The following RBMS3 variants were observed in gnomAD, a reference collection of about 807,000 sequenced individuals.
RBMS3 encodes the protein RNA binding motif single stranded interacting protein 3, also known as RNA-binding motif, single-stranded-interacting protein 3.
A neutral mutation model predicts 66.8 loss-of-function variants in RBMS3; 27 were observed. The ratio of observed to expected loss-of-function variants is 0.40; its 90% CI spans 0.30 to 0.56. RBMS3 has a LOEUF of 0.56. Among genes scored for constraint, RBMS3 ranks in the 20% least tolerant of loss-of-function variants. The probability of loss-of-function intolerance (pLI) is 0.40; values close to 1 mark genes in which losing one functional copy is unlikely to be tolerated. For missense variants in RBMS3, 513 were observed against 549.5 expected, an observed-to-expected ratio of 0.93 and a Z score of 0.66; for synonymous variants, 188 against 183.0, an observed-to-expected ratio of 1.03 and a Z score of -0.22.
chr3:29,631,277 G>C (rs1035513439), intron 4 of RBMS3, among the ~76,000 whole-genome samples: 2 of 151,788 alleles, frequency 1.3e-5, no homozygotes, highest in Admixed American at 6.6e-5. Flanking sequence ...ATGATAAATA[G>C]ATGAATAATA....
At chr3:29,729,388 T>C (rs2054028250) in intron 4 of RBMS3, among the ~76,000 whole-genome samples, 1 of 152,178 alleles carries the variant, frequency 6.6e-6, no homozygotes, top group Non-Finnish European at 1.5e-5. Context: ...TGTCTATCAT[T>C]GATGGACATT....
At chr3:29,704,285 T>A (rs906816832) in intron 4 of RBMS3, among the ~76,000 whole-genome samples, 2 of 152,098 alleles carry the variant, frequency 1.3e-5, no homozygotes, top group Admixed American at 6.5e-5. Context: ...GACCCCTGAT[T>A]TAATCTTTGC....
chr3:29,367,648 T>C (rs540992121), intron 1 of RBMS3, among the ~76,000 whole-genome samples: 1 of 152,290 alleles, frequency 6.6e-6, no homozygotes, highest in South Asian at 2.1e-4. Context: ...AGGAATATAA[T>C]TGCTTTTTGT....
intron 1 of RBMS3, among the ~76,000 whole-genome samples, chr3:29,389,913 G>A (rs372999710): frequency 4.6e-5 from 7 of 152,228 alleles, no homozygotes; most frequent in South Asian, 4.1e-4. Flanking sequence ...GGAATGGGGC[G>A]GGGGCTCCTG....
chr3:29,588,339 C>T (rs1245169123), intron 4 of RBMS3, among the ~76,000 whole-genome samples: 1 of 152,058 alleles, frequency 6.6e-6, no homozygotes, highest in Non-Finnish European at 1.5e-5. Flanking sequence ...TATTCATGCT[C>T]TGCTCGTGTA....
intron 14 of RBMS3, among the ~76,000 whole-genome samples, chr3:29,995,911 ATAACAATAT>A (rs1400512623): frequency 6.6e-6 from 1 of 152,046 alleles, no homozygotes; most frequent in Non-Finnish European, 1.5e-5. Context: ...AAATTCACAC[ATAACAATAT>A]TAACTTTAAA....
At position 29,990,934 on chromosome 3, in the gene RBMS3, C is replaced by A. The variant is rs904197543; in HGVS notation, c.1180-148C>A. ...CTTAGCCCTTATCTAAATGTGCTCT[C>A]TGGGTTTCCTCTGAGTACTTATTGT... On this transcript the variant is annotated intron_variant, in intron 13 of 14. Transcript: ENST00000383767. 14 of 677,002 alleles carry A rather than the reference C, an allele frequency of 2.1e-5. No individual in the cohort carries two copies. The African/African-American group carries it at 2.4e-4, about 11-fold the overall frequency. 41.9% of individuals were successfully genotyped at this position (677,002 alleles called of 1,614,324 possible).
chr3:29,366,742 C>T (rs569108161), intron 1 of RBMS3, among the ~76,000 whole-genome samples: 19 of 152,034 alleles, frequency 1.2e-4, no homozygotes, highest in Non-Finnish European at 2.2e-4. Flanking sequence ...CTGTACAGCC[C>T]GAATAGCAAA....
intron 1 of RBMS3, among the ~76,000 whole-genome samples, chr3:29,400,593 A>G (rs2039763068): frequency 6.6e-6 from 1 of 151,928 alleles, no homozygotes; most frequent in Non-Finnish European, 1.5e-5. Flanking sequence ...TTCTACCACA[A>G]TAAAAAACAA....
intron 3 of RBMS3, among the ~76,000 whole-genome samples, chr3:29,535,515 C>A (rs528887066): frequency 1.3e-5 from 2 of 152,118 alleles, no homozygotes; most frequent in East Asian, 3.9e-4. Flanking sequence ...TTAACTTTTT[C>A]TACCCTCTCA....
At chr3:29,426,832 A>G (rs941666756) in intron 1 of RBMS3, among the ~76,000 whole-genome samples, 1 of 151,932 alleles carries the variant, frequency 6.6e-6, no homozygotes, top group Non-Finnish European at 1.5e-5. Flanking sequence ...TGACAATGGT[A>G]ATGATGAGAA....
rs79579338 is a variant in RBMS3 at position 29,691,378 on chromosome 3, G to A, written c.400-48342G>A. On this transcript the variant is annotated intron_variant, in intron 4 of 14. Transcript: ENST00000383767. Reference sequence around the variant, plus strand: ...ACCTGAGGAATAACTTTCCTTCATGGTAAGATTGACCCAAAATATGGCTTG... The same window carrying A: ...ACCTGAGGAATAACTTTCCTTCATGATAAGATTGACCCAAAATATGGCTTG... Among the ~76,000 whole-genome samples the A allele has an allele frequency of 3.2e-3, 480 of 152,262 alleles. 1 individual carries two copies. The highest frequency in any genetic ancestry group is 6.8e-3 in the Middle Eastern group (2 of 294).
intron 10 of RBMS3, among the ~76,000 whole-genome samples, chr3:29,932,369 TG>T (rs1182208453): frequency 1.3e-5 from 2 of 152,202 alleles, no homozygotes; most frequent in Admixed American, 1.3e-4. Flanking sequence ...CTGTAAGAAC[TG>T]TAACACTGGC....
intron 2 of RBMS3, among the ~76,000 whole-genome samples, chr3:29,480,382 C>G (rs2043089085): frequency 6.6e-6 from 1 of 152,156 alleles, no homozygotes; most frequent in African/African-American, 2.4e-5. Flanking sequence ...CTCAACTGGA[C>G]TGAGGATTCA....
intron 4 of RBMS3, among the ~76,000 whole-genome samples, chr3:29,734,087 C>A (rs1014088890): frequency 1.7e-4 from 26 of 152,012 alleles, no homozygotes; most frequent in African/African-American, 6.3e-4. Flanking sequence ...TTCTGTCATG[C>A]ATGACAACAT....
intron 6 of RBMS3, among the ~76,000 whole-genome samples, chr3:29,783,825 A>G (rs924075394): frequency 3.3e-5 from 5 of 152,108 alleles, no homozygotes; most frequent in African/African-American, 9.7e-5. Flanking sequence ...AAGGCCTCAC[A>G]TAAACTTAAG....
At chr3:29,888,124 A>G (rs1016685730) in intron 8 of RBMS3, among the ~76,000 whole-genome samples, 1 of 151,754 alleles carries the variant, frequency 6.6e-6, no homozygotes, top group Non-Finnish European at 1.5e-5. Flanking sequence ...GTCTTTATTT[A>G]TACCTTATAT....
chr3:29,484,733 A>G (rs953221642), intron 2 of RBMS3, among the ~76,000 whole-genome samples: 15 of 152,142 alleles, frequency 9.9e-5, no homozygotes, highest in Non-Finnish European at 1.5e-4. Flanking sequence ...CAACATTCCA[A>G]CTGGGTCCCT....
intron 6 of RBMS3, among the ~76,000 whole-genome samples, chr3:29,836,127 T>A (rs2058501756): frequency 6.6e-6 from 1 of 151,946 alleles, no homozygotes; most frequent in Admixed American, 6.6e-5. Context: ...TAATGTAAAA[T>A]CTCTCATAAA....
Sources: allele counts gnomAD v4.1 joint callset (sites outside exome capture counted in the v4.1 genomes callset), GRCh38; gene constraint gnomAD v4.1.1; transcripts MANE v1.5; gene names NCBI Gene and HGNC (gene_info 2026-07-23, HGNC 2026-07-21).